The following PTPRD variants were observed in gnomAD, a reference collection of about 807,000 sequenced individuals.
The protein encoded by PTPRD is protein tyrosine phosphatase receptor type D.
In PTPRD, 34 loss-of-function variants were observed where a neutral mutation model predicts 214.5. The observed-to-expected ratio is 0.16, with a 90% CI of 0.12 to 0.21. The LOEUF is 0.21. Ranked by LOEUF, PTPRD falls within the 10% of genes least tolerant of loss-of-function variation. The pLI is 1.00. For missense variants in PTPRD, 2,545 were observed against 2,398.7 expected (o/e 1.06, Z -1.27); for synonymous variants, 1,128 against 845.7 (o/e 1.33, Z -5.79).
At chr9:8,874,706 C>CTGT (rs2098361448) in intron 11 of PTPRD, among the ~76,000 whole-genome samples, 1 of 152,152 alleles carries the variant, frequency 6.6e-6, no homozygotes. Context: ...ATGGAATGAG[C>CTGT]TGTTAAAACC....
intron 8 of PTPRD, among the ~76,000 whole-genome samples, chr9:9,563,355 AT>A (rs1385254952): frequency 1.3e-5 from 2 of 152,186 alleles, no homozygotes; most frequent in Non-Finnish European, 2.9e-5. Context: ...TGACAATATG[AT>A]AACTCCAGTA....
chr9:9,239,001 C>A (rs1249947988), intron 9 of PTPRD, among the ~76,000 whole-genome samples: 5 of 152,058 alleles, frequency 3.3e-5, no homozygotes, highest in East Asian at 1.9e-4. Flanking sequence ...TAAAATCTAG[C>A]CCACAGCCTC....
chr9:9,178,903 G>C (rs1051533474), intron 10 of PTPRD, among the ~76,000 whole-genome samples: 5 of 152,036 alleles, frequency 3.3e-5, no homozygotes, highest in African/African-American at 4.8e-5. Context: ...AGATTAACTT[G>C]TTCTTTACCT....
chr9:8,496,201 C>A (rs959872183), intron 26 of PTPRD, among the ~76,000 whole-genome samples: 13 of 142,708 alleles, frequency 9.1e-5, no homozygotes, highest in African/African-American at 3.3e-4. Flanking sequence ...CACACACACA[C>A]ACACACACAA....
At chr9:9,679,125 A>AG (rs2097004816) in intron 7 of PTPRD, among the ~76,000 whole-genome samples, 1 of 150,496 alleles carries the variant, frequency 6.6e-6, no homozygotes, top group Non-Finnish European at 1.5e-5. Flanking sequence ...AAGGGGGAAA[A>AG]AAAAAAAAAC....
intron 14 of PTPRD, among the ~76,000 whole-genome samples, chr9:8,561,467 C>T (rs965680254): frequency 6.6e-6 from 1 of 152,154 alleles, no homozygotes; most frequent in Admixed American, 6.5e-5. Flanking sequence ...AGCTCAGGAA[C>T]CCCCAAATGT....
At chr9:10,278,920 A>T (rs7025695) in intron 3 of PTPRD, among the ~76,000 whole-genome samples, 1 of 151,848 alleles carries the variant, frequency 6.6e-6, no homozygotes, top group East Asian at 2.0e-4. Flanking sequence ...GACTACAGGC[A>T]CACACCACCA....
intron 43 of PTPRD, among the ~76,000 whole-genome samples, chr9:8,336,625 G>GGGA (rs1847047262): frequency 1.1e-5 from 1 of 93,238 alleles, no homozygotes; most frequent in Non-Finnish European, 2.2e-5. Flanking sequence ...AGCTTCTGCA[G>GGGA]AGCAAAAAAA....
chr9:9,292,988 T>C (rs1272564115), intron 9 of PTPRD, among the ~76,000 whole-genome samples: 2 of 151,528 alleles, frequency 1.3e-5, no homozygotes, highest in African/African-American at 4.8e-5. Flanking sequence ...CTGCTTAAGG[T>C]AGTGCTTGTT....
intron 5 of PTPRD, among the ~76,000 whole-genome samples, chr9:9,810,739 G>A (rs2046884267): frequency 6.6e-6 from 1 of 151,920 alleles, no homozygotes; most frequent in South Asian, 2.1e-4. Flanking sequence ...TATCCATACT[G>A]CAACCCATGA....
chr9:8,383,628 C>A (rs2085918161), intron 37 of PTPRD, among the ~76,000 whole-genome samples: 1 of 152,114 alleles, frequency 6.6e-6, no homozygotes, highest in Non-Finnish European at 1.5e-5. Flanking sequence ...AATTAGGATT[C>A]TTCATTTCTA....
intron 2 of PTPRD, among the ~76,000 whole-genome samples, chr9:10,561,580 A>C (rs1010713429): frequency 2.0e-5 from 3 of 152,158 alleles, no homozygotes; most frequent in African/African-American, 7.2e-5. Context: ...ATAGAGACCA[A>C]ATATAACCCA....
At chr9:9,390,607 G>A (rs550787600) in intron 9 of PTPRD, among the ~76,000 whole-genome samples, 1 of 152,244 alleles carries the variant, frequency 6.6e-6, no homozygotes, top group Non-Finnish European at 1.5e-5. Flanking sequence ...ACAGGTAAAA[G>A]AGGTAAGAGA....
intron 14 of PTPRD, among the ~76,000 whole-genome samples, chr9:8,586,033 G>A (rs975849013): frequency 2.6e-5 from 4 of 152,226 alleles, no homozygotes; most frequent in African/African-American, 9.6e-5. Flanking sequence ...CAGGAGCAGT[G>A]GCTCACACCT....
intron 5 of PTPRD, among the ~76,000 whole-genome samples, chr9:9,812,275 C>T (rs1368414449): frequency 6.6e-6 from 1 of 151,978 alleles, no homozygotes; most frequent in Admixed American, 6.6e-5. Flanking sequence ...TATACTGGAA[C>T]TGAACCTGTA....
intron 8 of PTPRD, among the ~76,000 whole-genome samples, chr9:9,477,551 C>G (rs1027156935): frequency 7.2e-5 from 11 of 152,162 alleles, no homozygotes; most frequent in Non-Finnish European, 1.5e-5. Flanking sequence ...CTATCCATAT[C>G]ACTGATATGA....
intron 3 of PTPRD, among the ~76,000 whole-genome samples, chr9:10,087,652 A>G (rs1428343758): frequency 6.6e-6 from 1 of 151,698 alleles, no homozygotes; most frequent in Non-Finnish European, 1.5e-5. Flanking sequence ...CACCCAAAGG[A>G]AATTAAGCAT....
intron 37 of PTPRD, among the ~76,000 whole-genome samples, chr9:8,385,577 G>A (rs2086700586): frequency 6.6e-6 from 1 of 152,052 alleles, no homozygotes; most frequent in African/African-American, 2.4e-5. Flanking sequence ...AAAGAGAGAT[G>A]GGCTCTAAGG....
chr9:9,259,804 C>A (rs2099979297), intron 9 of PTPRD, among the ~76,000 whole-genome samples: 1 of 151,866 alleles, frequency 6.6e-6, no homozygotes, highest in South Asian at 2.1e-4. Context: ...CACACATGGT[C>A]TTCTGAAGGA....
Sources: allele counts gnomAD v4.1 joint callset (sites outside exome capture counted in the v4.1 genomes callset), GRCh38; gene constraint gnomAD v4.1.1; transcripts MANE v1.5; gene names NCBI Gene and HGNC (gene_info 2026-07-23, HGNC 2026-07-21).